The following ATP11C variants were observed in gnomAD, a reference collection of about 807,000 sequenced individuals.
The protein encoded by ATP11C is phospholipid-transporting ATPase IG.
Under a neutral mutation model 97.4 loss-of-function variants are expected in ATP11C, and 36 were observed. That is an observed-to-expected ratio of 0.37 (90% CI 0.28 to 0.49). ATP11C has a LOEUF of 0.49. Ranked by LOEUF, ATP11C falls within the 20% of genes least tolerant of loss-of-function variation. The probability of loss-of-function intolerance (pLI) is 0.98; values close to 1 mark genes in which losing one functional copy is unlikely to be tolerated. For missense variants in ATP11C, 730 were observed against 824.6 expected (o/e 0.89, Z 1.40); for synonymous variants, 275 against 290.9 (o/e 0.95, Z 0.56).
Position 139,932,358 on chromosome X carries a change from G to C in ATP11C, c.-316C>G, listed in dbSNP as rs2085454119. 9.1e-6 allele frequency: 1 copy of C among 109,777 alleles called. No homozygotes were observed. The highest frequency in any genetic ancestry group is 9.4e-5 in the Admixed American group (1 of 10,637). 9.0% of individuals were successfully genotyped at this position (109,777 alleles called of 1,213,427 possible). A position where few individuals can be genotyped will look rare whatever the true frequency, so the allele number is the denominator to read the frequency against. ...CAGCTCGCGCAGCACCCACTGAGAA[G>C]GCGAGCCCGCCGCGCGGGGGAAGGA... On this transcript the variant is annotated 5_prime_UTR_variant, in exon 1 of 30. Transcript: ENST00000682941.
upstream of ATP11C, among the ~76,000 whole-genome samples, chrX:139,934,846 G>A (rs1055646913): frequency 1.8e-5 from 2 of 111,408 alleles, no homozygotes; most frequent in African/African-American, 6.5e-5. Flanking sequence ...ACCATGCCCG[G>A]CCTCTAGCTT....
intron 1 of ATP11C, among the ~76,000 whole-genome samples, chrX:139,907,819 C>T (rs55903776): frequency 9.1e-6 from 1 of 109,782 alleles, no homozygotes; most frequent in African/African-American, 3.3e-5. Flanking sequence ...GAGAACCAAA[C>T]GTCTATAATT....
rs2082182469 is a variant in ATP11C at position 139,768,511 on chromosome X, C to T, written c.2217-77G>A. 3 of 765,938 alleles carry T rather than the reference C, an allele frequency of 3.9e-6. No individual in the cohort carries two copies. In the East Asian group the frequency reaches 1.1e-4, roughly 28 times the overall value. The allele number at this position is 765,938 out of a possible 1,213,427, so 63.1% of individuals were successfully genotyped here. On this transcript the variant is annotated intron_variant, in intron 19 of 29. Coordinates refer to ENST00000682941, the MANE Select transcript of ATP11C (RefSeq NM_001353812.2). ...GGATCCAGATTTTTTTTTTAAACAA[C>T]AAAGGGGGTGGTCTCAGATAAGGGG...
At chrX:139,741,776 G>A (rs1429677426) in intron 26 of ATP11C, among the ~76,000 whole-genome samples, 1 of 111,091 alleles carries the variant, frequency 9.0e-6, no homozygotes, top group Non-Finnish European at 1.9e-5. Context: ...TGGTATCTGG[G>A]GTTTTCAAAT....
chrX:139,880,929 A>T (rs2084551560), intron 1 of ATP11C, among the ~76,000 whole-genome samples: 2 of 112,032 alleles, frequency 1.8e-5, no homozygotes, highest in East Asian at 5.6e-4. Context: ...AGACAGATAT[A>T]AGCAACTGTG....
At chrX:139,828,157 A>C (rs960995720) in intron 1 of ATP11C, among the ~76,000 whole-genome samples, 2 of 111,698 alleles carry the variant, frequency 1.8e-5, no homozygotes, top group Non-Finnish European at 3.8e-5. Context: ...GGAAAAAGTC[A>C]GTTAAGTATC....
intron 1 of ATP11C, among the ~76,000 whole-genome samples, chrX:139,913,174 G>A (rs1206702606): frequency 8.9e-6 from 1 of 112,049 alleles, no homozygotes; most frequent in African/African-American, 3.2e-5. Flanking sequence ...AAGTAGAGAT[G>A]AGTAAGAGTG....
At position 139,825,646 on chromosome X, in the gene ATP11C, A is replaced by T. The variant is rs904424316; in HGVS notation, c.147+1058T>A. On this transcript the variant is annotated intron_variant, in intron 2 of 29. Coordinates refer to ENST00000682941, the MANE Select transcript of ATP11C (RefSeq NM_001353812.2). ...CATGTTAATCTCCCAGCAAAACATGATCACTACTGTATCACCGCCCAAACA... is the reference window on the plus strand; with the variant it reads ...CATGTTAATCTCCCAGCAAAACATGTTCACTACTGTATCACCGCCCAAACA... 1.7e-4 allele frequency among the ~76,000 whole-genome samples: 19 copies of T among 112,433 alleles called. No individual in the cohort carries two copies. The Admixed American group carries it at 1.7e-3, about 10-fold the overall frequency.
intron 1 of ATP11C, among the ~76,000 whole-genome samples, chrX:139,842,158 AG>A (rs2083843138): frequency 8.9e-6 from 1 of 112,359 alleles, no homozygotes; most frequent in Non-Finnish European, 1.9e-5. Context: ...CAGCCTCCCA[AG>A]TAGCTGGGAC....
intron 28 of ATP11C, among the ~76,000 whole-genome samples, chrX:139,734,639 C>T (rs1440925279): frequency 2.7e-5 from 3 of 111,563 alleles, no homozygotes; most frequent in African/African-American, 9.8e-5. Flanking sequence ...TATACTTGAC[C>T]TTTCCTTGAG....
At chrX:139,858,143 G>A (rs1412374378) in intron 1 of ATP11C, among the ~76,000 whole-genome samples, 2 of 112,978 alleles carry the variant, frequency 1.8e-5, no homozygotes, top group Non-Finnish European at 3.7e-5. Flanking sequence ...GCAGATGCAG[G>A]CCCTTCAACC....
chrX:139,874,322 A>G (rs2084431915), intron 1 of ATP11C, among the ~76,000 whole-genome samples: 2 of 107,331 alleles, frequency 1.9e-5, no homozygotes, highest in Admixed American at 2.0e-4. Context: ...GGACTCCCAA[A>G]GTGCTAGGAT....
intron 1 of ATP11C, among the ~76,000 whole-genome samples, chrX:139,871,174 G>A (rs954373532): frequency 1.8e-5 from 2 of 109,355 alleles, no homozygotes; most frequent in African/African-American, 6.6e-5. Context: ...ACAGGGCTTT[G>A]AATGAAGTGT....
At chrX:139,832,885 ATC>A (rs2083679514) in intron 1 of ATP11C, among the ~76,000 whole-genome samples, 1 of 111,962 alleles carries the variant, frequency 8.9e-6, no homozygotes, top group African/African-American at 3.2e-5. Context: ...ATATCTAGCA[ATC>A]GCAAGGAAAA....
chrX:139,821,123 T>C (rs2083400847), intron 2 of ATP11C, among the ~76,000 whole-genome samples: 1 of 111,915 alleles, frequency 8.9e-6, no homozygotes, highest in African/African-American at 3.2e-5. Context: ...TAGGGAATCC[T>C]CAGGGAAAAA....
At chrX:139,872,711 A>G (rs890621561) in intron 1 of ATP11C, among the ~76,000 whole-genome samples, 1 of 111,341 alleles carries the variant, frequency 9.0e-6, no homozygotes, top group African/African-American at 3.3e-5. Flanking sequence ...AATTCAACTT[A>G]AAAAAAATTG....
intron 26 of ATP11C, among the ~76,000 whole-genome samples, chrX:139,743,020 G>C (rs1016896996): frequency 2.8e-5 from 3 of 107,764 alleles, no homozygotes; most frequent in Non-Finnish European, 5.8e-5. Context: ...ATAGGCATGA[G>C]CCACCAACCT....
rs189826210 is a variant in ATP11C at position 139,728,857 on chromosome X, T to C, written c.*109A>G. The C allele has an allele frequency of 3.1e-5, 33 of 1,072,146 alleles. No homozygotes were observed. In the African/African-American group the frequency reaches 5.3e-4, roughly 17 times the overall value. 88.4% of individuals were successfully genotyped at this position (1,072,146 alleles called of 1,213,427 possible). The stretch of plus-strand genomic sequence containing the variant: ...TTAGTGTGTTGCGTATCAAGTATCC[T>C]GAGATGATAACTTTTTGTAGTTGTT... On this transcript the variant is annotated 3_prime_UTR_variant, in exon 30 of 30. Transcript: ENST00000682941.
At chrX:139,841,698 A>AT (rs2083834241) in intron 1 of ATP11C, among the ~76,000 whole-genome samples, 1 of 112,530 alleles carries the variant, frequency 8.9e-6, no homozygotes, top group Non-Finnish European at 1.9e-5. Context: ...CCTAAGTGGT[A>AT]TATTTCAATC....
Sources: allele counts gnomAD v4.1 joint callset (sites outside exome capture counted in the v4.1 genomes callset), GRCh38; gene constraint gnomAD v4.1.1; transcripts MANE v1.5; gene names NCBI Gene and HGNC (gene_info 2026-07-23, HGNC 2026-07-21).